The following PLBD1 variants were observed in gnomAD, a reference collection of about 807,000 sequenced individuals.
PLBD1 encodes lysosomal leucine aminopeptidase.
Under a neutral mutation model 63.0 loss-of-function variants are expected in PLBD1, and 60 were observed. The ratio of observed to expected loss-of-function variants is 0.95; its 90% CI spans 0.77 to 1.18. The LOEUF (loss-of-function observed/expected upper bound fraction) is 1.18, where lower values mean the gene tolerates loss of function less well. PLBD1 is among the 50% of genes most tolerant of loss of function. The pLI, the probability that PLBD1 is intolerant of heterozygous loss-of-function variation, is 0.00. For missense variants in PLBD1, 598 were observed against 677.9 expected (o/e 0.88, Z 1.31); for synonymous variants, 262 against 248.0 (o/e 1.06, Z -0.53).
Position 14,506,196 on chromosome 12 carries a change from G to C in PLBD1, c.1445C>G (p.Pro482Arg). The C allele has an allele frequency of 6.2e-7, 1 of 1,612,572 alleles. No homozygotes were observed. Among genetic ancestry groups the C allele is most frequent in the Non-Finnish European group, 8.5e-7 (1 of 1,179,002 alleles). Residue 482 changes from proline to arginine, a missense_variant, in exon 10 of 11, where the codon CCT (proline) becomes CGT (arginine). Coordinates refer to ENST00000240617, the MANE Select transcript of PLBD1 (RefSeq NM_024829.6). Reference sequence around the variant, plus strand: ...ATAACAACCTCCAGGACTTGGGTTAGGTGAGTTCAGGTCCTCACGGCAGCA... The same window carrying C: ...ATAACAACCTCCAGGACTTGGGTTACGTGAGTTCAGGTCCTCACGGCAGCA... ...TICCREDLNS[P>R]NPSPGGCYDT...
At chr12:14,513,412 C>T (rs1282751037) in intron 6 of PLBD1, among the ~76,000 whole-genome samples, 3 of 152,156 alleles carry the variant, frequency 2.0e-5, no homozygotes, top group Admixed American at 6.5e-5. Context: ...AAAACAAATA[C>T]ATTTCTACTA....
chr12:14,536,521 A>AAT, intron 5 of PLBD1, 49 bp downstream of exon 5: 1 of 1,596,216 alleles, frequency 6.3e-7, no homozygotes, highest in South Asian at 1.1e-5. Context: ...GCTATATAGA[A>AAT]AAAGTCTGTA....
chr12:14,511,101 T>C (rs544155872), intron 8 of PLBD1, among the ~76,000 whole-genome samples, 159 bp downstream of exon 8: 1 of 152,342 alleles, frequency 6.6e-6, no homozygotes, highest in South Asian at 2.1e-4. Flanking sequence ...GTTTACATGT[T>C]GTGCTAAACC....
At chr12:14,549,035 T>C (rs1055115551) in intron 2 of PLBD1, among the ~76,000 whole-genome samples, 1 of 152,248 alleles carries the variant, frequency 6.6e-6, no homozygotes, top group Non-Finnish European at 1.5e-5. Flanking sequence ...AGGCTGAATC[T>C]GTAACTCTTA....
chr12:14,537,596 C>T (rs564363803), intron 4 of PLBD1, among the ~76,000 whole-genome samples: 2 of 152,306 alleles, frequency 1.3e-5, no homozygotes, highest in South Asian at 4.1e-4. Flanking sequence ...AAGCAATTAT[C>T]AGATTGTACT....
At chr12:14,537,148 G>A (rs767713895) in intron 4 of PLBD1, among the ~76,000 whole-genome samples, 15 of 151,154 alleles carry the variant, frequency 9.9e-5, no homozygotes, top group South Asian at 2.1e-4. Context: ...TAACAGGTAC[G>A]CTAGATTTTT....
chr12:14,532,452 G>A (rs890425435), intron 6 of PLBD1, among the ~76,000 whole-genome samples: 2 of 152,202 alleles, frequency 1.3e-5, no homozygotes, highest in Non-Finnish European at 2.9e-5. Context: ...AGGGTAAGAG[G>A]TGGTTTTCAG....
intron 2 of PLBD1, among the ~76,000 whole-genome samples, chr12:14,542,716 G>A (rs986454308): frequency 1.6e-4 from 25 of 152,120 alleles, no homozygotes; most frequent in African/African-American, 6.0e-4. Context: ...CATAAATAAT[G>A]TATAGAATTA....
At chr12:14,512,292 G>A (rs1487205601) in intron 6 of PLBD1, among the ~76,000 whole-genome samples, 3 of 151,902 alleles carry the variant, frequency 2.0e-5, no homozygotes, top group Admixed American at 6.6e-5. Flanking sequence ...GGGGTTACAG[G>A]TGTGCACCAC....
rs928474970 is a variant in PLBD1, at chr12:14,511,806, G to A, written c.845-95C>T. On this transcript the variant is annotated intron_variant, in intron 6 of 10. Transcript: ENST00000240617. ...GAGCTTTACATACACAATGCATTTT[G>A]CAAAGTGTATCAGTTATTACTATCC... 4.9e-6 allele frequency: 6 copies of A among 1,219,770 alleles called. No individual in the cohort carries two copies. In the African/African-American group the frequency reaches 9.0e-5, roughly 18 times the overall value. 75.6% of individuals were successfully genotyped at this position (1,219,770 alleles called of 1,614,324 possible). A position where few individuals can be genotyped will look rare whatever the true frequency, so the allele number is the denominator to read the frequency against.
rs78733688 is a variant in PLBD1, at chr12:14,511,074, A to G, written c.1186+186T>C. Reference sequence around the variant, plus strand: ...CGTCCCAATCTGCACATTGTCCTATAAGAGTTTGAGATGTAGGTTTACATG... The same window carrying G: ...CGTCCCAATCTGCACATTGTCCTATGAGAGTTTGAGATGTAGGTTTACATG... On this transcript the variant is annotated intron_variant, in intron 8 of 10. Coordinates refer to ENST00000240617, the MANE Select transcript of PLBD1 (RefSeq NM_024829.6). Among the ~76,000 whole-genome samples the G allele has an allele frequency of 2.6e-3, 396 of 152,278 alleles. 4 individuals are homozygous for G. The highest frequency in any genetic ancestry group is 9.1e-3 in the African/African-American group (379 of 41,560).
In PLBD1 at chr12:14,511,702, T is replaced by C. The variant is rs989973950; in HGVS notation, c.854A>G (p.Glu285Gly). 2.5e-6 allele frequency: 4 copies of C among 1,613,744 alleles called. No homozygotes were observed. In the African/African-American group the frequency reaches 5.3e-5, roughly 22 times the overall value. Residue 285 changes from glutamate (E) to glycine (G), a missense_variant, in exon 7 of 11, where the codon GAG (glutamate) becomes GGG (glycine). Coordinates refer to ENST00000240617, the MANE Select transcript of PLBD1 (RefSeq NM_024829.6). ...AAGAATGTAAAAATCATCCAGAGAC[T>C]CCAAAAACCCTACAGGAAAGACAAA... ...LSFSSYPGFL[E>G]SLDDFYILSS...
intron 6 of PLBD1, among the ~76,000 whole-genome samples, chr12:14,527,081 T>C (rs1945422304): frequency 6.6e-6 from 1 of 152,230 alleles, no homozygotes; most frequent in Non-Finnish European, 1.5e-5. Flanking sequence ...ATATATATTT[T>C]GTTAAAATTC....
intron 1 of PLBD1, among the ~76,000 whole-genome samples, chr12:14,557,115 A>G (rs1945712544): frequency 6.6e-6 from 1 of 152,156 alleles, no homozygotes; most frequent in African/African-American, 2.4e-5. Flanking sequence ...CAAAACCACA[A>G]TGAAATACCA....
intron 6 of PLBD1, chr12:14,530,347 A>G (rs1466361738): frequency 2.6e-5 from 4 of 152,230 alleles, no homozygotes; most frequent in African/African-American, 9.7e-5. Context: ...CAGTAGAGAC[A>G]AATTATCCCC....
At chr12:14,534,808 T>C (rs544753487) in intron 6 of PLBD1, among the ~76,000 whole-genome samples, 4 of 152,202 alleles carry the variant, frequency 2.6e-5, no homozygotes, top group Non-Finnish European at 5.9e-5. Context: ...TCCCAAAGTG[T>C]TGGGATTATA....
At chr12:14,563,744 GA>G (rs1366322218) in intron 1 of PLBD1, among the ~76,000 whole-genome samples, 1 of 150,934 alleles carries the variant, frequency 6.6e-6, no homozygotes, top group Non-Finnish European at 1.5e-5. Context: ...TACATATAGA[GA>G]AAATAACTGA....
intron 6 of PLBD1, among the ~76,000 whole-genome samples, chr12:14,527,484 C>T (rs931428168): frequency 1.3e-5 from 2 of 152,122 alleles, no homozygotes; most frequent in African/African-American, 4.8e-5. Flanking sequence ...TTATATCTAT[C>T]CATGATTTAC....
chr12:14,515,881 A>G (rs1313490866), intron 6 of PLBD1, among the ~76,000 whole-genome samples: 51 of 139,238 alleles, frequency 3.7e-4, no homozygotes, highest in Middle Eastern at 8.1e-3. Context: ...GTGAAACCCC[A>G]TCTCTACTAA....
Sources: gnomAD v4.1 joint callset for allele counts (sites outside exome capture counted in the v4.1 genomes callset) on GRCh38, gnomAD v4.1.1 for gene constraint, MANE v1.5 for transcripts, NCBI Gene and HGNC (gene_info 2026-07-23, HGNC 2026-07-21) for gene names.